TRIM37: variants seen among roughly 807,000 people sequenced by gnomAD.
The protein encoded by TRIM37 is E3 ubiquitin-protein ligase TRIM37.
In TRIM37, 80 loss-of-function variants were observed where a neutral mutation model predicts 129.8. The observed-to-expected ratio is 0.62, with a 90% confidence interval of 0.51 to 0.74. TRIM37 has a LOEUF of 0.74. TRIM37 is among the 30% of genes least tolerant of loss of function. The probability of loss-of-function intolerance (pLI) is 0.00; values close to 1 mark genes in which losing one functional copy is unlikely to be tolerated. For missense variants in TRIM37, 1,054 were observed against 1,176.5 expected, an observed-to-expected ratio of 0.90 and a Z score of 1.52; for synonymous variants, 389 against 387.1, an observed-to-expected ratio of 1.00 and a Z score of -0.06.
chr17:58,977,258 C>T, the TRIM37 span, among the ~76,000 whole-genome samples: 1 of 152,018 alleles, frequency 6.6e-6, no homozygotes, highest in Non-Finnish European at 1.5e-5. Flanking sequence ...GCCTGACCAA[C>T]ATGGTGAAAC....
intron 19 of TRIM37, among the ~76,000 whole-genome samples, chr17:59,023,317 A>G (rs2036835426): frequency 6.6e-6 from 1 of 152,078 alleles, no homozygotes; most frequent in South Asian, 2.1e-4. Context: ...GCCTCAAGTA[A>G]TCTGCACGAC....
At chr17:59,083,972 T>TA (rs772272092) in intron 5 of TRIM37, 30 bp downstream of exon 5, 15 of 1,579,394 alleles carry the variant, frequency 9.5e-6, no homozygotes, top group African/African-American at 1.3e-5. Flanking sequence ...GCCTCTAACT[T>TA]AAAAAAAATA....
intron 22 of TRIM37, among the ~76,000 whole-genome samples, chr17:59,011,168 C>CG (rs1343173826): frequency 3.3e-5 from 5 of 150,124 alleles, no homozygotes; most frequent in African/African-American, 7.4e-5. Context: ...GACTCCGTCT[C>CG]GGGGAAAAAA....
chr17:59,001,468 A>C, intron 23 of TRIM37, 130 bp downstream of exon 23: 1 of 1,122,218 alleles, frequency 8.9e-7, no homozygotes, highest in Non-Finnish European at 1.3e-6. Context: ...AAAAAAAAAA[A>C]AGAAGTAGAA....
At chr17:59,056,468 G>A (rs184134208) in intron 13 of TRIM37, among the ~76,000 whole-genome samples, 38 of 152,044 alleles carry the variant, frequency 2.5e-4, no homozygotes, top group African/African-American at 7.2e-4. Flanking sequence ...GGTGGCTCAC[G>A]CCTGTAATCC....
intron 22 of TRIM37, among the ~76,000 whole-genome samples, chr17:59,003,294 A>C (rs910435099): frequency 6.6e-6 from 1 of 152,226 alleles, no homozygotes; most frequent in Admixed American, 6.5e-5. Flanking sequence ...AAAAAGTCTT[A>C]CCTCAAAATT....
intron 19 of TRIM37, among the ~76,000 whole-genome samples, chr17:59,022,476 GT>G: frequency 6.6e-6 from 1 of 152,336 alleles, no homozygotes; most frequent in South Asian, 2.1e-4. Flanking sequence ...TGGTATTAGG[GT>G]GAAGGGCATA....
At chr17:59,047,879 C>G (rs188403499) in intron 15 of TRIM37, 60 bp from the exon 16 acceptor site, 43 of 1,585,950 alleles carry the variant, frequency 2.7e-5, no homozygotes, top group African/African-American at 6.7e-5. Flanking sequence ...AGTTGATCAC[C>G]CCATCCAGCC....
chr17:59,022,603 C>CT (rs2036735811), intron 19 of TRIM37, among the ~76,000 whole-genome samples: 1 of 152,138 alleles, frequency 6.6e-6, no homozygotes, highest in Admixed American at 6.5e-5. Flanking sequence ...ATTGACTTAC[C>CT]TTACCTCTTA....
At chr17:59,084,141 A>C (rs1024582561) in intron 4 of TRIM37, 52 bp from the exon 5 acceptor site, 59 of 1,402,626 alleles carry the variant, frequency 4.2e-5, no homozygotes, top group Non-Finnish European at 5.6e-5. Context: ...GAACATAATC[A>C]CCTCCACAAA....
chr17:59,065,103 A>G (rs1226900624), intron 9 of TRIM37, among the ~76,000 whole-genome samples: 1 of 152,158 alleles, frequency 6.6e-6, no homozygotes, highest in Non-Finnish European at 1.5e-5. Context: ...TTTTTCCTAA[A>G]AGAAAAAAAG....
In TRIM37 at chr17:59,081,211, T is replaced by C; in HGVS notation, c.378A>G (p.Gly126=). The change falls in exon 6 of 24, where the codon GGA becomes GGG. Residue 126 remains glycine (G), a synonymous_variant. Transcript: ENST00000262294. ...TTTCTGCCAAAGGTTTAAAGGTATG[T>C]CCGCCATGCTATTTAAATTAGAGTA... ...QCALWGGMHG[G]HTFKPLAEIY... The C allele has an allele frequency of 4.3e-6, 7 of 1,613,644 alleles. No individual in the cohort carries two copies. The highest frequency in any genetic ancestry group is 5.1e-6 in the Non-Finnish European group (6 of 1,179,764).
chr17:59,038,022 C>A (rs570396737), intron 17 of TRIM37, among the ~76,000 whole-genome samples: 3 of 152,162 alleles, frequency 2.0e-5, no homozygotes, highest in African/African-American at 7.2e-5. Flanking sequence ...TATAAAGTAC[C>A]ATTGTCAACA....
downstream of TRIM37, chr17:58,998,177 C>G (rs1222286226): frequency 3.0e-5 from 29 of 981,732 alleles, no homozygotes; most frequent in Non-Finnish European, 3.3e-5. Flanking sequence ...TTTCTGGTCC[C>G]AATTTAATAA....
At chr17:58,967,260 G>C in the TRIM37 span, among the ~76,000 whole-genome samples, 2 of 152,046 alleles carry the variant, frequency 1.3e-5, no homozygotes, top group African/African-American at 4.8e-5. Flanking sequence ...AAAAGTCTTA[G>C]GCATGTGTTT....
chr17:59,011,837 T>G (rs1194608141), intron 22 of TRIM37, among the ~76,000 whole-genome samples: 1 of 152,222 alleles, frequency 6.6e-6, no homozygotes, highest in Non-Finnish European at 1.5e-5. Flanking sequence ...TAAGACTGAC[T>G]TTAAAAAATA....
intron 16 of TRIM37, among the ~76,000 whole-genome samples, 186 bp downstream of exon 16, chr17:59,047,497 A>G (rs1165050063): frequency 6.6e-6 from 1 of 152,240 alleles, no homozygotes; most frequent in African/African-American, 2.4e-5. Flanking sequence ...TCAAAATTCA[A>G]ATTTAAAAGT....
intron 9 of TRIM37, among the ~76,000 whole-genome samples, chr17:59,069,661 C>G (rs1200558204): frequency 1.3e-5 from 2 of 152,184 alleles, no homozygotes; most frequent in Non-Finnish European, 1.5e-5. Flanking sequence ...AAATGTCCAT[C>G]TGAACCCTAT....
chr17:59,099,834 G>A (rs555997224), intron 2 of TRIM37, among the ~76,000 whole-genome samples: 4 of 152,080 alleles, frequency 2.6e-5, no homozygotes, highest in East Asian at 3.9e-4. Context: ...ACAGAGTTTC[G>A]CTCTTGTTGC....
Sources: gnomAD v4.1 joint callset for allele counts (sites outside exome capture counted in the v4.1 genomes callset) on GRCh38, gnomAD v4.1.1 for gene constraint, MANE v1.5 for transcripts, NCBI Gene and HGNC (gene_info 2026-07-23, HGNC 2026-07-21) for gene names.